Variants in ANKRD11 observed in about 807,000 individuals in gnomAD.
ANKRD11 encodes ankyrin repeat domain-containing protein 11.
ANKRD11 carries 17 observed loss-of-function variants against 195.7 expected under a neutral mutation model. That is an observed-to-expected ratio of 0.09 (90% CI 0.06 to 0.13). The LOEUF is 0.13. Ranked by LOEUF, ANKRD11 falls within the 10% of genes least tolerant of loss-of-function variation. ANKRD11 has a pLI of 1.00. For synonymous variants in ANKRD11, 1,953 were observed against 1,528.1 expected (o/e 1.28, Z -6.49); for missense variants, 3,735 against 3,566.1 (o/e 1.05, Z -1.21).
chr16:89,326,509 C>T (rs1452556310), intron 2 of ANKRD11, among the ~76,000 whole-genome samples: 1 of 152,036 alleles, frequency 6.6e-6, no homozygotes, highest in Non-Finnish European at 1.5e-5. Context: ...ACTCAGGAGG[C>T]CAAGGCAGGG....
intron 2 of ANKRD11, chr16:89,370,701 C>A (rs1010243308): frequency 1.3e-5 from 2 of 152,370 alleles, no homozygotes; most frequent in African/African-American, 4.8e-5. Flanking sequence ...ACGGCAGGAC[C>A]CGAGAGCAGA....
At chr16:89,421,050 G>C (rs888033500) in intron 1 of ANKRD11, among the ~76,000 whole-genome samples, 2 of 152,158 alleles carry the variant, frequency 1.3e-5, no homozygotes, top group East Asian at 1.9e-4. Flanking sequence ...AGACATGAAG[G>C]GTCAGTGTGT....
At position 89,283,075 on chromosome 16, in the gene ANKRD11, C is replaced by A; in HGVS notation, c.3467G>T (p.Arg1156Leu). The A allele has an allele frequency of 6.2e-7, 1 of 1,613,968 alleles. No homozygotes were observed. Among genetic ancestry groups the A allele is most frequent in the Non-Finnish European group, 8.5e-7 (1 of 1,180,022 alleles). The stretch of plus-strand genomic sequence containing the variant: ...GTGTCTGTCGGAGGCATAGGCCTCC[C>A]GTCCTTCCTCCTTCTCCTGGAGGCC... ...TDGLQEKEEG[R>L]EAYASDRHRK... Residue 1156 changes from arginine to leucine, a missense_variant, in exon 9 of 13, where the codon CGG becomes CTG. Coordinates refer to ENST00000301030, the MANE Select transcript of ANKRD11 (RefSeq NM_013275.6). This position sits in a 1 kb window ranked among gnomAD's most constrained non-coding sequence, Gnocchi z 4.3.
rs773754621 is a variant in ANKRD11 at position 89,281,608 on chromosome 16, A to G, written c.4934T>C (p.Leu1645Pro). ...LDIPAKKPPG[L>P]DPPFKDKKLK... ...CTTTTTGTCTTTAAATGGAGGGTCC[A>G]GCCCCGGCGGTTTCTTAGCAGGAAT... Residue 1645 changes from leucine to proline, a missense_variant, in exon 9 of 13, where the codon CTG becomes CCG. Physicochemically the swap from Leu to Pro is moderately conservative, Grantham distance 98 (BLOSUM62 -3). Coordinates refer to ENST00000301030, the MANE Select transcript of ANKRD11 (RefSeq NM_013275.6). This position sits in a 1 kb window ranked among gnomAD's most constrained non-coding sequence, Gnocchi z 5.5. 2 of 1,614,048 alleles carry G rather than the reference A, an allele frequency of 1.2e-6. No individual in the cohort carries two copies. The highest frequency in any genetic ancestry group is 1.7e-5 in the Admixed American group (1 of 60,002).
chr16:89,434,361 C>G (rs1178442176), intron 1 of ANKRD11, among the ~76,000 whole-genome samples: 1 of 152,204 alleles, frequency 6.6e-6, no homozygotes, highest in Admixed American at 6.5e-5. Flanking sequence ...GACCATAAAG[C>G]AATTCTTCTC....
At chr16:89,428,274 C>T (rs1028874784) in intron 1 of ANKRD11, among the ~76,000 whole-genome samples, 3 of 151,934 alleles carry the variant, frequency 2.0e-5, no homozygotes, top group East Asian at 1.9e-4. Context: ...GCCTATAATC[C>T]CAGCACTTTG....
intron 2 of ANKRD11, among the ~76,000 whole-genome samples, chr16:89,401,953 T>TCCA (rs1453392046): frequency 1.3e-4 from 2 of 15,798 alleles, no homozygotes; most frequent in Admixed American, 6.4e-4. Context: ...CCCCCACCCC[T>TCCA]CCAGCACCGC....
chr16:89,409,206 T>C (rs78912890), intron 2 of ANKRD11, among the ~76,000 whole-genome samples: 6,253 of 152,270 alleles, frequency 0.041, 216 homozygotes, highest in East Asian at 0.19. Flanking sequence ...ACACACCTGA[T>C]GACAGCTTCC....
At chr16:89,485,853 G>A (rs1323747317) in intron 1 of ANKRD11, among the ~76,000 whole-genome samples, 1 of 152,094 alleles carries the variant, frequency 6.6e-6, no homozygotes, top group Non-Finnish European at 1.5e-5. Flanking sequence ...GGGGCCTCCG[G>A]ACAAACGAGA....
At position 89,280,854 on chromosome 16, in the gene ANKRD11, G is replaced by A. The variant is rs775035859; in HGVS notation, c.5688C>T (p.Ala1896=). 2.5e-6 allele frequency: 4 copies of A among 1,603,926 alleles called. No individual in the cohort carries two copies. The highest frequency in any genetic ancestry group is 2.6e-6 in the Non-Finnish European group (3 of 1,172,368). ...LQAKPSPSPR[A]ELLVPSLEGA... ...CTTCGAGGGAAGGAACCAGCAGCTC[G>A]GCTCTGGGGGAAGGGGAAGGTTTTG... Residue 1896 remains alanine, a synonymous_variant, in exon 9 of 13, where the codon GCC becomes GCT. Transcript: ENST00000301030.
chr16:89,276,118 G>A (rs986250906), intron 9 of ANKRD11, among the ~76,000 whole-genome samples: 1 of 152,246 alleles, frequency 6.6e-6, no homozygotes, highest in Non-Finnish European at 1.5e-5. Context: ...AGGAGCGCAC[G>A]GGGCAGATGG....
intron 1 of ANKRD11, among the ~76,000 whole-genome samples, chr16:89,453,289 T>A (rs1374114805): frequency 6.6e-6 from 1 of 152,182 alleles, no homozygotes; most frequent in East Asian, 1.9e-4. Context: ...AACCCAGAAA[T>A]AAGAAAATTA....
At chr16:89,312,938 T>A (rs1196505964) in intron 3 of ANKRD11, among the ~76,000 whole-genome samples, 1 of 152,214 alleles carries the variant, frequency 6.6e-6, no homozygotes, top group Non-Finnish European at 1.5e-5. Flanking sequence ...GGGAGGGGCC[T>A]CAGACCAGAT....
chr16:89,278,847 G>T, intron 9 of ANKRD11: 1 of 759,070 alleles, frequency 1.3e-6, no homozygotes, highest in Non-Finnish European at 2.3e-6. Context: ...ACCGAGGCCT[G>T]GCACGGACCA....
At chr16:89,488,527 C>T (rs1450522648) in intron 1 of ANKRD11, among the ~76,000 whole-genome samples, 1 of 150,404 alleles carries the variant, frequency 6.6e-6, no homozygotes, top group African/African-American at 2.4e-5. Context: ...AACTCGAAGT[C>T]TTCCAGGGCA....
chr16:89,313,126 G>T (rs112842062), intron 3 of ANKRD11, among the ~76,000 whole-genome samples: 15 of 152,336 alleles, frequency 9.8e-5, no homozygotes, highest in African/African-American at 3.6e-4. Context: ...ACAAGCTCCA[G>T]CAGCTCAGGT....
rs376482767 is a variant in ANKRD11, at chr16:89,282,196, C to A, written c.4346G>T (p.Gly1449Val). Reference sequence around the variant, plus strand: ...TTTTAGGATGTTGATGGCACTAGATCCATAAGGCTTTAGTTCCTTTTCTAT... The same window carrying A: ...TTTTAGGATGTTGATGGCACTAGATACATAAGGCTTTAGTTCCTTTTCTAT... ...KKIEKELKPY[G>V]SSAINILKEK... is the part of the protein sequence containing the mutation. The change falls in exon 9 of 13, where the codon GGA becomes GTA. Residue 1449 changes from glycine to valine, a missense_variant. By Grantham distance (109) the Gly-to-Val change is moderately radical. Coordinates refer to ENST00000301030, the MANE Select transcript of ANKRD11 (RefSeq NM_013275.6). The A allele has an allele frequency of 6.2e-6, 10 of 1,614,072 alleles. No individual in the cohort carries two copies. Among genetic ancestry groups the A allele is most frequent in the South Asian group, 1.1e-5 (1 of 91,070 alleles).
intron 1 of ANKRD11, chr16:89,489,226 C>G (rs752648571): frequency 9.5e-5 from 3 of 31,518 alleles, no homozygotes; most frequent in Admixed American, 2.8e-4. Context: ...CACACACACA[C>G]GCGCGCGCGC....
chr16:89,279,779 C>A lies in ANKRD11; in HGVS notation c.6763G>T (p.Asp2255Tyr), dbSNP rs529727438. ...GGGCCTTCAGCCTCAGCCCCCTGGT[C>A]TCCGCTCCCCAGTGGGCGCTGTTCT... is the stretch of plus-strand genomic sequence containing the variant. ...PPEQRPLGSG[D>Y]QGAEAEGPPA... Residue 2255 changes from aspartate to tyrosine, a missense_variant, in exon 9 of 13, where the codon GAC (aspartate) becomes TAC (tyrosine). Coordinates refer to ENST00000301030, the MANE Select transcript of ANKRD11 (RefSeq NM_013275.6). This position sits in a 1 kb window ranked among gnomAD's most constrained non-coding sequence, Gnocchi z 5.6. 1 of 1,531,770 alleles carries A rather than the reference C, an allele frequency of 6.5e-7. No individual in the cohort carries two copies. The highest frequency in any genetic ancestry group is 1.4e-5 in the African/African-American group (1 of 73,008). 94.9% of individuals were successfully genotyped at this position (1,531,770 alleles called of 1,614,324 possible).
Sources: allele counts gnomAD v4.1 joint callset (sites outside exome capture counted in the v4.1 genomes callset), GRCh38; gene constraint gnomAD v4.1.1; non-coding constraint Gnocchi (gnomAD v3.1); transcripts MANE v1.5; gene names NCBI Gene and HGNC (gene_info 2026-07-23, HGNC 2026-07-21).